Variants in LRRC42 observed in about 807,000 individuals in gnomAD.
LRRC42 encodes the protein leucine rich repeat containing 42, also known as leucine-rich repeat-containing protein 42.
LRRC42 carries 43 observed loss-of-function variants against 44.3 expected under a neutral mutation model. The observed-to-expected ratio is 0.97, with a 90% CI of 0.76 to 1.25. LRRC42 has a LOEUF of 1.25. Among genes scored for constraint, LRRC42 ranks in the 50% most tolerant of loss-of-function variants. LRRC42 has a pLI of 0.00. For missense variants in LRRC42, 540 were observed against 509.1 expected (o/e 1.06, Z -0.58); for synonymous variants, 207 against 195.2 (o/e 1.06, Z -0.50).
chr1:53,967,962 T>G lies in LRRC42; in HGVS notation c.*23T>G. The G allele has an allele frequency of 6.2e-7, 1 of 1,600,594 alleles. No homozygotes were observed. Among genetic ancestry groups the G allele is most frequent in the African/African-American group, 1.3e-5 (1 of 74,506 alleles). ...TGATTAGTAGATACAAGTTGACCTT[T>G]CTCTGGCCCCCAGCTCTAGTGTTTG... is the stretch of plus-strand genomic sequence containing the variant. On this transcript the variant is annotated 3_prime_UTR_variant, in exon 9 of 9. Coordinates refer to ENST00000371370, the MANE Select transcript of LRRC42 (RefSeq NM_001256409.2).
chr1:53,962,911 T>C (rs956763268), intron 7 of LRRC42, among the ~76,000 whole-genome samples: 3 of 152,182 alleles, frequency 2.0e-5, no homozygotes, highest in Non-Finnish European at 4.4e-5. Flanking sequence ...GTGAGAGAAC[T>C]TTACTTTGAC....
At chr1:53,956,524 G>A (rs1035597645) in intron 3 of LRRC42, among the ~76,000 whole-genome samples, 5 of 152,180 alleles carry the variant, frequency 3.3e-5, no homozygotes, top group East Asian at 1.9e-4. Flanking sequence ...TTAAGTAACT[G>A]TCTCACAATC....
rs1247787935 is a variant in LRRC42, at chr1:53,952,329, T to C, written c.330T>C (p.Phe110=). The C allele has an allele frequency of 1.2e-6, 2 of 1,614,106 alleles. No individual in the cohort carries two copies. The highest frequency in any genetic ancestry group is 2.7e-5 in the African/African-American group (2 of 74,952). Residue 110 remains phenylalanine, a synonymous_variant, in exon 3 of 9, where the codon TTT becomes TTC. Transcript: ENST00000371370. ...ATCACATTGATTCCCTTATTGGCTTTCCTGAGCAGATTGCTGAAAAGCTGT... is the reference window on the plus strand; with the variant it reads ...ATCACATTGATTCCCTTATTGGCTTCCCTGAGCAGATTGCTGAAAAGCTGT... ...NVDHIDSLIG[F]PEQIAEKLFS... is the part of the protein sequence containing the mutation.
At chr1:53,966,072 C>T (rs1655121542) in intron 7 of LRRC42, among the ~76,000 whole-genome samples, 1 of 152,200 alleles carries the variant, frequency 6.6e-6, no homozygotes, top group African/African-American at 2.4e-5. Flanking sequence ...TTCTCTTAGT[C>T]ATGCAGATAC....
chr1:53,953,204 C>T (rs889934306), intron 3 of LRRC42, among the ~76,000 whole-genome samples: 2 of 152,190 alleles, frequency 1.3e-5, no homozygotes, highest in African/African-American at 4.8e-5. Flanking sequence ...ATGCTGTTAC[C>T]AGTTTTTAAA....
At chr1:53,959,044 G>A (rs931502258) in intron 4 of LRRC42, among the ~76,000 whole-genome samples, 12 of 151,912 alleles carry the variant, frequency 7.9e-5, no homozygotes, top group Non-Finnish European at 1.6e-4. Flanking sequence ...CCACCACGCC[G>A]GCTAATTTTT....
chr1:53,950,168 A>G (rs1654632617), intron 2 of LRRC42, among the ~76,000 whole-genome samples: 1 of 152,172 alleles, frequency 6.6e-6, no homozygotes, highest in Non-Finnish European at 1.5e-5. Context: ...GGGGTTAGGG[A>G]AGGTTTCCCA....
chr1:53,967,054 C>A (rs1245224552), intron 8 of LRRC42, among the ~76,000 whole-genome samples: 1 of 152,026 alleles, frequency 6.6e-6, no homozygotes, highest in Admixed American at 6.6e-5. Context: ...GCCCTTAATA[C>A]CACTGAACTG....
chr1:53,951,929 T>TA, intron 2 of LRRC42, 57 bp from the exon 3 acceptor site: 1 of 1,338,406 alleles, frequency 7.5e-7, no homozygotes, highest in African/African-American at 1.5e-5. Flanking sequence ...AAGATGAAGT[T>TA]ACATGTTACA....
intron 3 of LRRC42, among the ~76,000 whole-genome samples, chr1:53,955,628 CTT>C (rs1291926537): frequency 1.4e-4 from 19 of 133,354 alleles, no homozygotes; most frequent in Admixed American, 2.3e-4. Flanking sequence ...TTAACATAAT[CTT>C]TTTTTTTTTT....
chr1:53,951,982 AC>A lies in LRRC42; in HGVS notation c.-14-3del. ...ATTTGCTTCCCTGTGCCTTGCTTTT[AC>A]AGTTGCAACCAAGGCAATGTCTTAC... On this transcript the variant is annotated splice_polypyrimidine_tract_variant and splice_region_variant and intron_variant, in intron 2 of 8. Coordinates refer to ENST00000371370, the MANE Select transcript of LRRC42 (RefSeq NM_001256409.2). 6.2e-7 allele frequency: 1 copy of A among 1,600,652 alleles called. No homozygotes were observed. The highest frequency in any genetic ancestry group is 8.5e-7 in the Non-Finnish European group (1 of 1,172,156).
intron 2 of LRRC42, among the ~76,000 whole-genome samples, chr1:53,950,735 TCAGGAGGAAAA>T (rs1039771416): frequency 3.3e-5 from 5 of 152,242 alleles, no homozygotes; most frequent in African/African-American, 1.2e-4. Context: ...TCATGGTTAC[TCAGGAGGAAAA>T]CAAGTATTCC....
chr1:53,964,540 G>C (rs1049876032), intron 7 of LRRC42, among the ~76,000 whole-genome samples: 7 of 152,150 alleles, frequency 4.6e-5, no homozygotes, highest in African/African-American at 1.7e-4. Context: ...TTAGCGGAAG[G>C]AAGCACCATT....
intron 3 of LRRC42, among the ~76,000 whole-genome samples, chr1:53,956,990 G>A (rs1452185533): frequency 1.3e-5 from 2 of 152,104 alleles, no homozygotes; most frequent in Non-Finnish European, 2.9e-5. Flanking sequence ...AGCTGAGCTC[G>A]GTCTCCAGGC....
In LRRC42 at chr1:53,952,266, C is replaced by G. The variant is rs1654710625; in HGVS notation, c.267C>G (p.Leu89=). Residue 89 remains leucine (L), a synonymous_variant, in exon 3 of 9, where the codon CTC becomes CTG. Coordinates refer to ENST00000371370, the MANE Select transcript of LRRC42 (RefSeq NM_001256409.2). ...ATCTTCGGTACTCCGCCAAATCCCT[C>G]TTCAGCCTTGTCCTGGGTTTCATCT... ...EGNLRYSAKS[L]FSLVLGFISD... The G allele has an allele frequency of 3.1e-6, 5 of 1,614,270 alleles. No individual in the cohort carries two copies. In the East Asian group the frequency reaches 1.1e-4, roughly 36 times the overall value.
In LRRC42 at chr1:53,952,135, CTG is replaced by C; in HGVS notation, c.138_139del (p.Phe47ProfsTer23). On this transcript the variant is annotated frameshift_variant, in exon 3 of 9. Coordinates refer to ENST00000371370, the MANE Select transcript of LRRC42 (RefSeq NM_001256409.2). LOFTEE classifies it high-confidence loss of function. ...SSLQKPRPFR[L>X]FPKGFSVELC... Reference sequence around the variant, plus strand: ...CCTGCAGAAGCCAAGGCCTTTCAGACTGTTCCCCAAAGGCTTTTCTGTGGAGC... The same window carrying C: ...CCTGCAGAAGCCAAGGCCTTTCAGACTTCCCCAAAGGCTTTTCTGTGGAGC... The C allele has an allele frequency of 6.2e-7, 1 of 1,614,238 alleles. No homozygotes were observed. The highest frequency in any genetic ancestry group is 8.5e-7 in the Non-Finnish European group (1 of 1,180,042).
In LRRC42 at chr1:53,958,995, A is replaced by C. The variant is rs146382294; in HGVS notation, c.605+715A>C. On this transcript the variant is annotated intron_variant, in intron 4 of 8. Transcript: ENST00000371370. The stretch of plus-strand genomic sequence containing the variant: ...CCACCTCCAGGTTCAAGCTATTCTC[A>C]TGCCTCAGCCTCCTGATAGCTGGGA... Among the ~76,000 whole-genome samples, 1,425 of 151,676 alleles carry C rather than the reference A, an allele frequency of 9.4e-3. 29 individuals carry two copies. Among genetic ancestry groups the C allele is most frequent in the African/African-American group, 0.033 (1,358 of 41,344 alleles).
Position 53,962,109 on chromosome 1 carries a change from G to C in LRRC42, c.800G>C (p.Gly267Ala), listed in dbSNP as rs201381109. Residue 267 changes from glycine (G) to alanine (A), a missense_variant, in exon 6 of 9, where the codon GGG becomes GCG. Coordinates refer to ENST00000371370, the MANE Select transcript of LRRC42 (RefSeq NM_001256409.2). ...FRKLNCLDIS[G>A]TGLKDIKTVK... ...AAACTAAACTGCTTAGATATCTCTG[G>C]GACAGGGCTCAAGGTAAGACTTTTG... 3.1e-6 allele frequency: 5 copies of C among 1,613,230 alleles called. No homozygotes were observed. The highest frequency in any genetic ancestry group is 4.2e-6 in the Non-Finnish European group (5 of 1,179,376).
Position 53,960,342 on chromosome 1 carries a change from C to G in LRRC42, c.606-14C>G. On this transcript the variant is annotated splice_polypyrimidine_tract_variant and intron_variant, in intron 4 of 8. Coordinates refer to ENST00000371370, the MANE Select transcript of LRRC42 (RefSeq NM_001256409.2). ...TCTCTTTGAGTAATTTATGTATGTA[C>G]TTTGTTTCCCTAGTGTAACTCAGCT... 1 of 1,571,608 alleles carries G rather than the reference C, an allele frequency of 6.4e-7. No individual in the cohort carries two copies. Among genetic ancestry groups the G allele is most frequent in the East Asian group, 2.2e-5 (1 of 44,630 alleles).
Sources: gnomAD v4.1 joint callset for allele counts (sites outside exome capture counted in the v4.1 genomes callset) on GRCh38, gnomAD v4.1.1 for gene constraint, MANE v1.5 for transcripts, NCBI Gene and HGNC (gene_info 2026-07-23, HGNC 2026-07-21) for gene names.